PCLO: variants seen among roughly 807,000 people sequenced by gnomAD.
PCLO encodes the protein protein piccolo.
PCLO carries 82 observed loss-of-function variants against 427.5 expected under a neutral mutation model. The ratio of observed to expected loss-of-function variants is 0.19; its 90% confidence interval spans 0.16 to 0.23. The LOEUF is 0.23. PCLO is among the 10% of genes least tolerant of loss of function. The pLI is 1.00. For missense variants in PCLO, 6,239 were observed against 6,115.9 expected, an observed-to-expected ratio of 1.02 and a Z score of -0.67; for synonymous variants, 2,357 against 2,155.4, an observed-to-expected ratio of 1.09 and a Z score of -2.59.
chr7:83,162,655 G>A lies in PCLO; in HGVS notation c.-63C>T. ...GCGCCGCGTCCCAGTCGAGAAGCCC[G>A]CGGCCAGGGGAGCAGTCAGAGCCGG... On this transcript the variant is annotated 5_prime_UTR_variant, in exon 1 of 25. Coordinates refer to ENST00000333891, the MANE Select transcript of PCLO (RefSeq NM_033026.6). The A allele has an allele frequency of 6.8e-7, 1 of 1,472,128 alleles. No homozygotes were observed. Among genetic ancestry groups the A allele is most frequent in the African/African-American group, 1.4e-5 (1 of 71,342 alleles). 91.2% of individuals were successfully genotyped at this position (1,472,128 alleles called of 1,614,324 possible). A position where few individuals can be genotyped will look rare whatever the true frequency, so the allele number is the denominator to read the frequency against.
At chr7:83,043,618 G>C (rs1789025013) in intron 3 of PCLO, among the ~76,000 whole-genome samples, 1 of 152,152 alleles carries the variant, frequency 6.6e-6, no homozygotes, top group South Asian at 2.1e-4. Flanking sequence ...AGTGGCGTTA[G>C]TTTTCTCTTT....
Position 83,155,513 on chromosome 7 carries a change from A to ATT in PCLO, c.1127_1128insAA (p.Gly377MetfsTer16). 6.2e-7 allele frequency: 1 copy of ATT among 1,612,918 alleles called. No individual in the cohort carries two copies. Among genetic ancestry groups the ATT allele is most frequent in the South Asian group, 1.1e-5 (1 of 90,958 alleles). On this transcript the variant is annotated frameshift_variant, in exon 2 of 25. Transcript: ENST00000333891. LOFTEE classifies it high-confidence loss of function. ...GCTCCGATGAAGGCTTCTCTGACCC[A>ATT]GTCTGCTGAGCTGGAGGCTTAGCAG... is the stretch of plus-strand genomic sequence containing the variant.
chr7:83,080,343 G>GT (rs1175957421), intron 3 of PCLO, among the ~76,000 whole-genome samples: 3 of 152,132 alleles, frequency 2.0e-5, no homozygotes, highest in Admixed American at 6.5e-5. Context: ...CACTAACAGT[G>GT]TAAAAGCATT....
In PCLO at chr7:83,155,854, G is replaced by C. The variant is rs1249495904; in HGVS notation, c.787C>G (p.Gln263Glu). 6.2e-7 allele frequency: 1 copy of C among 1,613,948 alleles called. No individual in the cohort carries two copies. Among genetic ancestry groups the C allele is most frequent in the South Asian group, 1.1e-5 (1 of 91,086 alleles). ...TTTGCATGGTCTGTCTGAGGAGTCT[G>C]GGTAGGACCCTGAATTGGCTTTCCT... ...GTGKPIQGPT[Q>E]TPQTDHAKLP... Residue 263 changes from glutamine (Q) to glutamate (E), a missense_variant, in exon 2 of 25, where the codon CAG becomes GAG. Transcript: ENST00000333891.
chr7:82,953,681 GGGA>G lies in PCLO; in HGVS notation c.7269_7271del (p.Pro2426del). The G allele has an allele frequency of 1.5e-6, 2 of 1,291,788 alleles. No individual in the cohort carries two copies. Among genetic ancestry groups the G allele is most frequent in the South Asian group, 2.7e-5 (2 of 74,336 alleles). 80.0% of individuals were successfully genotyped at this position (1,291,788 alleles called of 1,614,324 possible). ...GTGAAGTTGGTGGAGGAAGTGGTGG[GGGA>G]GGAGGGGGTGGTGGTGGAGGAGGAG... On this transcript the variant is annotated inframe_deletion, in exon 5 of 25. Transcript: ENST00000333891.
intron 3 of PCLO, among the ~76,000 whole-genome samples, chr7:83,129,513 T>C (rs563630373): frequency 7.2e-5 from 11 of 152,312 alleles, no homozygotes; most frequent in Non-Finnish European, 1.3e-4. Context: ...AGAAATCACA[T>C]ACACTAGTGG....
At chr7:83,137,009 C>T (rs1791747081) in intron 2 of PCLO, among the ~76,000 whole-genome samples, 1 of 151,850 alleles carries the variant, frequency 6.6e-6, no homozygotes, top group African/African-American at 2.4e-5. Context: ...CGTTCTCCAC[C>T]CAAGGTAACC....
chr7:82,913,566 C>T (rs1334356956), intron 7 of PCLO, among the ~76,000 whole-genome samples: 2 of 151,866 alleles, frequency 1.3e-5, no homozygotes, highest in Non-Finnish European at 2.9e-5. Context: ...AAAAAAAGGA[C>T]CAAGAGTCAA....
At chr7:83,158,761 A>G (rs1418468386) in intron 1 of PCLO, among the ~76,000 whole-genome samples, 3 of 152,014 alleles carry the variant, frequency 2.0e-5, no homozygotes, top group Admixed American at 2.0e-4. Context: ...TTACTATAGA[A>G]TCCCCATCAG....
chr7:83,136,764 G>C (rs1791740986), intron 2 of PCLO, among the ~76,000 whole-genome samples: 1 of 152,030 alleles, frequency 6.6e-6, no homozygotes, highest in African/African-American at 2.4e-5. Context: ...ATGTGAATGA[G>C]AGAGATTTGT....
chr7:82,879,532 G>T, intron 9 of PCLO, 70 bp from the exon 10 acceptor site: 1 of 1,240,484 alleles, frequency 8.1e-7, no homozygotes, highest in South Asian at 1.5e-5. Flanking sequence ...AAGTTACAGA[G>T]AGCACAAAAA....
chr7:82,776,245 A>G (rs1790746271), intron 22 of PCLO, among the ~76,000 whole-genome samples: 1 of 152,194 alleles, frequency 6.6e-6, no homozygotes, highest in African/African-American at 2.4e-5. Flanking sequence ...ATCCTTGTTG[A>G]GCTAAGGGCA....
intron 6 of PCLO, among the ~76,000 whole-genome samples, chr7:82,936,904 C>T (rs1416025339): frequency 4.6e-5 from 7 of 151,348 alleles, no homozygotes; most frequent in Admixed American, 3.3e-4. Flanking sequence ...GACAAAAGGC[C>T]GAATACTGTA....
chr7:82,898,496 A>G (rs1793961332), intron 9 of PCLO, among the ~76,000 whole-genome samples: 1 of 151,426 alleles, frequency 6.6e-6, no homozygotes. Flanking sequence ...AGAACTGTCT[A>G]TTAAAATATT....
intron 10 of PCLO, among the ~76,000 whole-genome samples, chr7:82,861,785 T>C (rs192750902): frequency 4.1e-4 from 63 of 152,096 alleles, no homozygotes; most frequent in Admixed American, 9.8e-4. Context: ...TATTTTCTCT[T>C]ACTACAATGA....
At chr7:83,077,283 G>A (rs979162970) in intron 3 of PCLO, among the ~76,000 whole-genome samples, 1 of 152,022 alleles carries the variant, frequency 6.6e-6, no homozygotes, top group East Asian at 1.9e-4. Flanking sequence ...CAGCTTGTGT[G>A]ACAAACAGGT....
At chr7:83,123,528 G>T (rs1791339982) in intron 3 of PCLO, among the ~76,000 whole-genome samples, 1 of 152,126 alleles carries the variant, frequency 6.6e-6, no homozygotes, top group Non-Finnish European at 1.5e-5. Flanking sequence ...TCTACCAGAA[G>T]AAAGCATTAG....
At chr7:83,085,472 G>C (rs1790208111) in intron 3 of PCLO, among the ~76,000 whole-genome samples, 1 of 152,102 alleles carries the variant, frequency 6.6e-6, no homozygotes, top group Non-Finnish European at 1.5e-5. Context: ...CAGACAGTCT[G>C]CCACCAGAGC....
intron 2 of PCLO, among the ~76,000 whole-genome samples, chr7:83,141,194 A>T (rs1791850676): frequency 1.3e-5 from 2 of 152,234 alleles, no homozygotes; most frequent in African/African-American, 2.4e-5. Context: ...GAAACGGAAT[A>T]AACTCTACCA....
Sources: gnomAD v4.1 joint callset for allele counts (sites outside exome capture counted in the v4.1 genomes callset) on GRCh38, gnomAD v4.1.1 for gene constraint, MANE v1.5 for transcripts, NCBI Gene and HGNC (gene_info 2026-07-23, HGNC 2026-07-21) for gene names.